The following DBX1 variants were observed in gnomAD, a reference collection of about 807,000 sequenced individuals.
DBX1 encodes the protein homeobox protein DBX1.
Under a neutral mutation model 20.8 loss-of-function variants are expected in DBX1, and 10 were observed. That is an observed-to-expected ratio of 0.48 (90% confidence interval 0.30 to 0.82). DBX1 has a LOEUF of 0.82. DBX1 is among the 40% of genes least tolerant of loss of function. The pLI, the probability that DBX1 is intolerant of heterozygous loss-of-function variation, is 0.07. For synonymous variants in DBX1, 241 were observed against 213.9 expected (o/e 1.13, Z -1.11); for missense variants, 505 against 468.8 (o/e 1.08, Z -0.71).
At chr11:20,159,375 T>G in intron 1 of DBX1, 83 bp from the exon 2 acceptor site, 1 of 862,536 alleles carries the variant, frequency 1.2e-6, no homozygotes, top group Non-Finnish European at 1.9e-6. Flanking sequence ...TATAGCACAC[T>G]GAACACACGA....
Position 20,156,533 on chromosome 11 carries a change from T to G in DBX1, c.713A>C (p.Asn238Thr). 1 of 1,614,000 alleles carries G rather than the reference T, an allele frequency of 6.2e-7. No homozygotes were observed. The highest frequency in any genetic ancestry group is 2.2e-5 in the East Asian group (1 of 44,870). The change falls in exon 4 of 4, where the codon AAC (asparagine) becomes ACC (threonine). Residue 238 changes from asparagine (N) to threonine (T), a missense_variant. Coordinates refer to ENST00000524983, the MANE Select transcript of DBX1 (RefSeq NM_001029865.4). This position sits in a 1 kb window ranked among gnomAD's most constrained non-coding sequence, Gnocchi z 4.8. The part of the protein sequence containing the change: ...WFQNRRMKWR[N>T]SKERELLSSG... ...AGACAGGAGTTCGCGCTCCTTGGAG[T>G]TCCGCCATTTCATGCGTCGGTTCTG...
intron 2 of DBX1, among the ~76,000 whole-genome samples, chr11:20,157,520 G>A (rs758283289): frequency 6.6e-6 from 1 of 152,160 alleles, no homozygotes; most frequent in Non-Finnish European, 1.5e-5. Context: ...AGTGGACTTA[G>A]GGAAACAAAC....
Position 20,156,578 on chromosome 11 carries a change from A to G in DBX1, c.673-5T>C. ...GTTCTGGAACCAGATTTTCACCTGG[A>G]ATGTCCCGGCCGGCGAGAAGAAGGG... On this transcript the variant is annotated splice_polypyrimidine_tract_variant and splice_region_variant and intron_variant, in intron 3 of 3. Coordinates refer to ENST00000524983, the MANE Select transcript of DBX1 (RefSeq NM_001029865.4). The surrounding 1 kb of genome is among the most constrained non-coding windows in gnomAD (Gnocchi z 4.8). 1.2e-6 allele frequency: 2 copies of G among 1,613,998 alleles called. No individual in the cohort carries two copies. The highest frequency in any genetic ancestry group is 2.2e-5 in the East Asian group (1 of 44,876).
chr11:20,159,992 T>C lies in DBX1; in HGVS notation c.333A>G (p.Gly111=), dbSNP rs1224304204. The C allele has an allele frequency of 6.2e-7, 1 of 1,613,646 alleles. No homozygotes were observed. The highest frequency in any genetic ancestry group is 8.5e-7 in the Non-Finnish European group (1 of 1,179,944). The change falls in exon 1 of 4, where the codon GGA becomes GGG. Residue 111 remains glycine, a synonymous_variant. Transcript: ENST00000524983. ...PASETTFLKF[G]VNAILSSGPR... The stretch of plus-strand genomic sequence containing the variant: ...GCCCCGAGGAGAGGATGGCGTTCAC[T>C]CCAAACTTCAGAAACGTCGTCTCGC...
intron 1 of DBX1, 50 bp downstream of exon 1, chr11:20,159,908 C>A (rs746916471): frequency 6.2e-7 from 1 of 1,612,992 alleles, no homozygotes; most frequent in Non-Finnish European, 8.5e-7. Context: ...AGGATGACTC[C>A]GCGCATGCCT....
chr11:20,156,313 G>A lies in DBX1; in HGVS notation c.933C>T (p.Pro311=), dbSNP rs576926086. Reference sequence around the variant, plus strand: ...CGGGACTGCTCGAGTGCGCGGGCGAGGGGGGCAGCGGCCCTGGCAGCCGCG... The same window carrying A: ...CGGGACTGCTCGAGTGCGCGGGCGAAGGGGGCAGCGGCCCTGGCAGCCGCG... ...RDPRLPGPLP[P]SPAHSSSPGK... The change falls in exon 4 of 4, where the codon CCC becomes CCT. Residue 311 remains proline, a synonymous_variant. Coordinates refer to ENST00000524983, the MANE Select transcript of DBX1 (RefSeq NM_001029865.4). The surrounding 1 kb of genome is among the most constrained non-coding windows in gnomAD (Gnocchi z 4.8). 8.3e-6 allele frequency: 13 copies of A among 1,564,842 alleles called. No individual in the cohort carries two copies. Among genetic ancestry groups the A allele is most frequent in the Admixed American group, 7.3e-5 (4 of 54,492 alleles).
Position 20,159,226 on chromosome 11 carries a change from G to T in DBX1, c.434C>A (p.Ser145Tyr). The T allele has an allele frequency of 6.2e-7, 1 of 1,613,800 alleles. No individual in the cohort carries two copies. The highest frequency in any genetic ancestry group is 8.5e-7 in the Non-Finnish European group (1 of 1,179,834). Reference sequence around the variant, plus strand: ...AGAAGATCTGATGAAAGGCTGAAAAGACCCTTCGAAGTAGGGAAAGGCGAA... The same window carrying T: ...AGAAGATCTGATGAAAGGCTGAAAATACCCTTCGAAGTAGGGAAAGGCGAA... ...KTFAFPYFEG[S>Y]FQPFIRSSYF... Residue 145 changes from serine to tyrosine, a missense_variant, in exon 2 of 4, where the codon TCT (serine) becomes TAT (tyrosine). Coordinates refer to ENST00000524983, the MANE Select transcript of DBX1 (RefSeq NM_001029865.4).
chr11:20,157,247 G>A lies in DBX1; in HGVS notation c.470-8C>T. 1 of 1,551,000 alleles carries A rather than the reference G, an allele frequency of 6.4e-7. No individual in the cohort carries two copies. The highest frequency in any genetic ancestry group is 8.7e-7 in the Non-Finnish European group (1 of 1,151,444). ...GCACCACGCTGGAGGAAGCTGCAGG[G>A]TGGGGGGAGGTGGCGAGTGAGTGGG... On this transcript the variant is annotated splice_polypyrimidine_tract_variant and splice_region_variant and intron_variant, in intron 2 of 3. Transcript: ENST00000524983.
In DBX1 at chr11:20,159,419, C is replaced by T. The variant is rs1405455018; in HGVS notation, c.368-127G>A. On this transcript the variant is annotated intron_variant, in intron 1 of 3. Coordinates refer to ENST00000524983, the MANE Select transcript of DBX1 (RefSeq NM_001029865.4). ...GCCCTTCATCTGGTTTCAAAGACATCTTTCTTATACGTTGACAGGGTAAAA... is the reference window on the plus strand; with the variant it reads ...GCCCTTCATCTGGTTTCAAAGACATTTTTCTTATACGTTGACAGGGTAAAA... 4 of 651,796 alleles carry T rather than the reference C, an allele frequency of 6.1e-6. No individual in the cohort carries two copies. The South Asian group carries it at 7.5e-5, about 12-fold the overall frequency. The allele number at this position is 651,796 out of a possible 1,614,324, so 40.4% of individuals were successfully genotyped here.
chr11:20,156,934 AC>A lies in DBX1; in HGVS notation c.672+102del, dbSNP rs1329311389. 3.3e-6 allele frequency: 4 copies of A among 1,222,026 alleles called. No homozygotes were observed. The highest frequency in any genetic ancestry group is 4.6e-6 in the Non-Finnish European group (4 of 860,682). 75.7% of individuals were successfully genotyped at this position (1,222,026 alleles called of 1,614,324 possible). A position where few individuals can be genotyped will look rare whatever the true frequency, so the allele number is the denominator to read the frequency against. ...TCTAGGCCTCGGTTTTCCCATCTGT[AC>A]AGTGGGACCTAAGCCGTTTCCGAAC... On this transcript the variant is annotated intron_variant, in intron 3 of 3. Coordinates refer to ENST00000524983, the MANE Select transcript of DBX1 (RefSeq NM_001029865.4). This position sits in a 1 kb window ranked among gnomAD's most constrained non-coding sequence, Gnocchi z 4.8.
intron 2 of DBX1, among the ~76,000 whole-genome samples, chr11:20,158,717 G>T (rs1430319169): frequency 6.6e-6 from 1 of 152,014 alleles, no homozygotes; most frequent in Non-Finnish European, 1.5e-5. Context: ...AAAGCCCGAA[G>T]CCCTGAATGA....
chr11:20,159,254 T>C lies in DBX1; in HGVS notation c.406A>G (p.Thr136Ala). The stretch of plus-strand genomic sequence containing the variant: ...CCTTCGAAGTAGGGAAAGGCGAAGG[T>C]CTTGGGAGGGACGCTCTGGAGCAAG... ...PALLQSVPPK[T>A]FAFPYFEGSF... is the part of the protein sequence containing the mutation. The change falls in exon 2 of 4, where the codon ACC becomes GCC. Residue 136 changes from threonine to alanine, a missense_variant. Coordinates refer to ENST00000524983, the MANE Select transcript of DBX1 (RefSeq NM_001029865.4). 5 of 1,613,054 alleles carry C rather than the reference T, an allele frequency of 3.1e-6. No individual in the cohort carries two copies. Among genetic ancestry groups the C allele is most frequent in the Non-Finnish European group, 4.2e-6 (5 of 1,179,720 alleles).
In DBX1 at chr11:20,156,638, G is replaced by A. The variant is rs777192433; in HGVS notation, c.673-65C>T. ...GGTCAGATCAGGGGCTCCGGGGGACGCACGGGGGCGGGGAGTGGAGTCGGG... is the reference window on the plus strand; with the variant it reads ...GGTCAGATCAGGGGCTCCGGGGGACACACGGGGGCGGGGAGTGGAGTCGGG... On this transcript the variant is annotated intron_variant, in intron 3 of 3. Coordinates refer to ENST00000524983, the MANE Select transcript of DBX1 (RefSeq NM_001029865.4). The surrounding 1 kb of genome is among the most constrained non-coding windows in gnomAD (Gnocchi z 4.8). The A allele has an allele frequency of 6.8e-6, 11 of 1,611,068 alleles. No homozygotes were observed. In the Admixed American group the frequency reaches 1.5e-4, roughly 22 times the overall value.
At chr11:20,159,720 A>G (rs1346244184) in intron 1 of DBX1, among the ~76,000 whole-genome samples, 2 of 152,168 alleles carry the variant, frequency 1.3e-5, no homozygotes, top group Non-Finnish European at 2.9e-5. Flanking sequence ...GACTGCGCAC[A>G]GTCTCCGACT....
At chr11:20,157,272 G>A (rs1565142656) in intron 2 of DBX1, 33 bp from the exon 3 acceptor site, 1 of 1,526,982 alleles carries the variant, frequency 6.5e-7, no homozygotes, top group Non-Finnish European at 8.8e-7. Flanking sequence ...GAGTGAGTGG[G>A]CGTACGCCCC....
rs780367811 is a variant in DBX1, at chr11:20,156,271, G to A, written c.975C>T (p.Phe325=). The A allele has an allele frequency of 6.6e-7, 1 of 1,523,404 alleles. No homozygotes were observed. The highest frequency in any genetic ancestry group is 8.8e-7 in the Non-Finnish European group (1 of 1,137,934). The allele number at this position is 1,523,404 out of a possible 1,614,324, so 94.4% of individuals were successfully genotyped here. ...HSSSPGKPSD[F]SDSEEEEEGE... ...CCTCCTCTTCCTCCTCGGAATCTGA[G>A]AAGTCCGAAGGTTTCCCGGGACTGC... The change falls in exon 4 of 4, where the codon TTC becomes TTT. Residue 325 remains phenylalanine (F), a synonymous_variant. Coordinates refer to ENST00000524983, the MANE Select transcript of DBX1 (RefSeq NM_001029865.4). This position sits in a 1 kb window ranked among gnomAD's most constrained non-coding sequence, Gnocchi z 4.8.
intron 2 of DBX1, among the ~76,000 whole-genome samples, chr11:20,157,843 G>A (rs2063668409): frequency 1.3e-5 from 2 of 152,092 alleles, no homozygotes; most frequent in Non-Finnish European, 2.9e-5. Flanking sequence ...TTCCCAATGG[G>A]TATTGGTATG....
At chr11:20,157,863 G>C (rs970483335) in intron 2 of DBX1, among the ~76,000 whole-genome samples, 2 of 152,108 alleles carry the variant, frequency 1.3e-5, no homozygotes, top group East Asian at 1.9e-4. Context: ...GATAAAAGGG[G>C]GGAGAGTTTT....
Position 20,156,437 on chromosome 11 carries a change from T to G in DBX1, c.809A>C (p.Gln270Pro). The G allele has an allele frequency of 1.2e-6, 2 of 1,608,884 alleles. No homozygotes were observed. Among genetic ancestry groups the G allele is most frequent in the East Asian group, 4.5e-5 (2 of 44,812 alleles). Residue 270 changes from glutamine to proline, a missense_variant, in exon 4 of 4, where the codon CAG (glutamine) becomes CCG (proline). Coordinates refer to ENST00000524983, the MANE Select transcript of DBX1 (RefSeq NM_001029865.4). This position sits in a 1 kb window ranked among gnomAD's most constrained non-coding sequence, Gnocchi z 4.8. The part of the protein sequence containing the change: ...NPHPDLSDVG[Q>P]KGPGNEEEEE... ...CTCCTCTTCGTTCCCAGGGCCCTTC[T>G]GGCCCACGTCGCTGAGGTCCGGGTG...
Sources: allele counts gnomAD v4.1 joint callset (sites outside exome capture counted in the v4.1 genomes callset), GRCh38; gene constraint gnomAD v4.1.1; non-coding constraint Gnocchi (gnomAD v3.1); transcripts MANE v1.5; gene names NCBI Gene and HGNC (gene_info 2026-07-23, HGNC 2026-07-21).